Variants in FIRRM observed in about 807,000 individuals in gnomAD.
The protein encoded by FIRRM is FIGNL1-interacting regulator of recombination and mitosis.
chr1:169,828,379 T>C, the FIRRM span, among the ~76,000 whole-genome samples: 1 of 152,178 alleles, frequency 6.6e-6, no homozygotes, highest in Non-Finnish European at 1.5e-5. Context: ...TGTTAGAACT[T>C]CTCAGCTTTG....
chr1:169,839,151 G>A, the FIRRM span, among the ~76,000 whole-genome samples: 3 of 152,122 alleles, frequency 2.0e-5, no homozygotes, highest in Non-Finnish European at 4.4e-5. Context: ...TGGTATATAT[G>A]TACCACATTT....
At chr1:169,807,927 C>T in the FIRRM span, 1 of 1,600,258 alleles carries the variant, frequency 6.2e-7, no homozygotes, top group African/African-American at 1.3e-5. Flanking sequence ...GTCAGATGCA[C>T]AGGTAAAATT....
At chr1:169,847,766 C>A in the FIRRM span, 1 of 1,613,202 alleles carries the variant, frequency 6.2e-7, no homozygotes, top group Non-Finnish European at 8.5e-7. Context: ...GATTTTGTAT[C>A]TTCTTTAGGA....
chr1:169,810,010 T>A, the FIRRM span, among the ~76,000 whole-genome samples: 1 of 152,216 alleles, frequency 6.6e-6, no homozygotes, highest in Non-Finnish European at 1.5e-5. Context: ...CCAGTAGATT[T>A]GGTGTCTAAC....
the FIRRM span, among the ~76,000 whole-genome samples, chr1:169,817,315 A>C: frequency 6.6e-6 from 1 of 152,196 alleles, no homozygotes; most frequent in Non-Finnish European, 1.5e-5. Flanking sequence ...GTAGCTGATT[A>C]AAAATCAACT....
At chr1:169,833,773 C>G in the FIRRM span, among the ~76,000 whole-genome samples, 491 of 151,524 alleles carry the variant, frequency 3.2e-3, 6 homozygotes, top group African/African-American at 0.011. Context: ...ATTTTCTACT[C>G]CAGATATCTT....
chr1:169,815,571 A>C, the FIRRM span, among the ~76,000 whole-genome samples: 8 of 152,170 alleles, frequency 5.3e-5, no homozygotes, highest in Admixed American at 2.0e-4. Flanking sequence ...CATTATAATT[A>C]GTGTATAGTG....
the FIRRM span, among the ~76,000 whole-genome samples, chr1:169,810,833 A>AGTTTTTT: frequency 9.7e-6 from 1 of 102,808 alleles, no homozygotes; most frequent in Admixed American, 1.1e-4. Context: ...TTTAGCCCCC[A>AGTTTTTT]ATTTTTTTTT....
At chr1:169,852,988 A>AACTT in the FIRRM span, 12 of 1,611,746 alleles carry the variant, frequency 7.4e-6, no homozygotes, top group Non-Finnish European at 6.8e-6. Flanking sequence ...TCTAGGGTGA[A>AACTT]ACTTATCACT....
At chr1:169,827,865 C>G in the FIRRM span, 3 of 1,610,742 alleles carry the variant, frequency 1.9e-6, no homozygotes, top group Non-Finnish European at 2.5e-6. Context: ...TTTATCCAGT[C>G]ATATTACCAA....
the FIRRM span, among the ~76,000 whole-genome samples, chr1:169,831,024 A>T: frequency 6.6e-6 from 1 of 152,228 alleles, no homozygotes; most frequent in Admixed American, 6.5e-5. Context: ...ATTACATTTA[A>T]AATTGAATGC....
At chr1:169,851,045 C>CTTTTTTTTTT in the FIRRM span, 1 of 17,312 alleles carries the variant, frequency 5.8e-5, no homozygotes, top group Non-Finnish European at 1.0e-4. Context: ...GCTCAGGGCC[C>CTTTTTTTTTT]TTTTTTTTTT....
chr1:169,827,970 GAC>G, the FIRRM span: 7 of 890,836 alleles, frequency 7.9e-6, no homozygotes, highest in Non-Finnish European at 1.2e-5. Context: ...TTATTGTGTA[GAC>G]ACACATATAT....
the FIRRM span, chr1:169,830,379 A>G: frequency 1.3e-6 from 2 of 1,501,782 alleles, no homozygotes; most frequent in East Asian, 2.3e-5. Context: ...TGGATTGGTT[A>G]TTAGTAGTGA....
At chr1:169,845,756 A>G in the FIRRM span, among the ~76,000 whole-genome samples, 11 of 152,164 alleles carry the variant, frequency 7.2e-5, no homozygotes, top group Non-Finnish European at 1.5e-4. Context: ...TTTGCTAGCT[A>G]TTTCTACCAC....
chr1:169,836,952 C>T, the FIRRM span: 1 of 1,610,256 alleles, frequency 6.2e-7, no homozygotes, highest in Non-Finnish European at 8.5e-7. Flanking sequence ...AAATTTTCCC[C>T]AAAAGAAGCA....
chr1:169,850,781 G>C, the FIRRM span: 1 of 157,900 alleles, frequency 6.3e-6, no homozygotes, highest in African/African-American at 2.4e-5. Flanking sequence ...GAGCGACAGA[G>C]TGAGACTGTC....
the FIRRM span, among the ~76,000 whole-genome samples, chr1:169,796,800 G>T: frequency 1.3e-5 from 2 of 152,170 alleles, no homozygotes; most frequent in African/African-American, 4.8e-5. Context: ...CTCTGTTCAT[G>T]AATACATTAG....
At chr1:169,796,531 A>G in the FIRRM span, among the ~76,000 whole-genome samples, 9 of 152,186 alleles carry the variant, frequency 5.9e-5, no homozygotes, top group South Asian at 2.1e-4. Flanking sequence ...AGTAAGTTCT[A>G]TTGTTTCTGA....
Sources: gnomAD v4.1 joint callset for allele counts (sites outside exome capture counted in the v4.1 genomes callset) on GRCh38, gnomAD v4.1.1 for gene constraint, MANE v1.5 for transcripts, NCBI Gene and HGNC (gene_info 2026-07-23, HGNC 2026-07-21) for gene names.